PEX5L: variants seen among roughly 807,000 people sequenced by gnomAD.
PEX5L encodes the protein peroxisomal biogenesis factor 5 like, also known as PEX5-related protein.
Under a neutral mutation model 84.0 loss-of-function variants are expected in PEX5L, and 30 were observed. The observed-to-expected ratio is 0.36, with a 90% CI of 0.27 to 0.48. The LOEUF is 0.48. Ranked by LOEUF, PEX5L falls within the 20% of genes least tolerant of loss-of-function variation. PEX5L has a pLI of 0.99. For synonymous variants in PEX5L, 270 were observed against 283.1 expected (o/e 0.95, Z 0.46); for missense variants, 533 against 754.6 (o/e 0.71, Z 3.44).
chr3:179,832,007 T>C (rs966290152), intron 8 of PEX5L, among the ~76,000 whole-genome samples: 2 of 152,142 alleles, frequency 1.3e-5, no homozygotes, highest in Non-Finnish European at 2.9e-5. Flanking sequence ...GAAAGATTAC[T>C]CTGGTTGAAA....
intron 2 of PEX5L, among the ~76,000 whole-genome samples, chr3:179,966,921 G>C (rs1362913492): frequency 6.6e-6 from 1 of 152,138 alleles, no homozygotes; most frequent in Non-Finnish European, 1.5e-5. Flanking sequence ...TCTCCTTGAG[G>C]AGGTTGTGAG....
intron 8 of PEX5L, among the ~76,000 whole-genome samples, chr3:179,831,151 C>T (rs1022800193): frequency 1.3e-5 from 2 of 151,916 alleles, no homozygotes; most frequent in Non-Finnish European, 2.9e-5. Flanking sequence ...CCCATCTCTA[C>T]TAAAAATACA....
chr3:179,851,179 G>C (rs556134892), intron 8 of PEX5L, among the ~76,000 whole-genome samples: 1 of 152,178 alleles, frequency 6.6e-6, no homozygotes, highest in African/African-American at 2.4e-5. Context: ...CAGCCTGTTT[G>C]GGCTGGTATA....
At chr3:179,905,505 C>T (rs575479687) in intron 2 of PEX5L, among the ~76,000 whole-genome samples, 121 of 152,254 alleles carry the variant, frequency 7.9e-4, no homozygotes, top group African/African-American at 2.7e-3. Context: ...GTGATCCGCC[C>T]GCCTCGACCT....
At chr3:179,967,025 T>C (rs1783514109) in intron 2 of PEX5L, among the ~76,000 whole-genome samples, 1 of 152,190 alleles carries the variant, frequency 6.6e-6, no homozygotes, top group Non-Finnish European at 1.5e-5. Flanking sequence ...GCCATAGGGC[T>C]CAAGAGGGAA....
intron 2 of PEX5L, among the ~76,000 whole-genome samples, chr3:179,962,848 T>C (rs933009751): frequency 3.5e-4 from 54 of 152,366 alleles, no homozygotes; most frequent in African/African-American, 1.3e-3. Flanking sequence ...TGTCAGCTCA[T>C]GTCATTTCAA....
intron 2 of PEX5L, among the ~76,000 whole-genome samples, chr3:179,970,224 A>G (rs1784386816): frequency 6.6e-6 from 1 of 152,180 alleles, no homozygotes; most frequent in South Asian, 2.1e-4. Context: ...ATGTACACAT[A>G]TCTGTATTCT....
At position 180,023,095 on chromosome 3, in the gene PEX5L, C is replaced by T. The variant is rs143180935; in HGVS notation, c.21+13484G>A. ...GGAGATATGGCCTGAATTTGCTATG[C>T]AGGCGCAAGCAATAGAGTGAAAAAC... On this transcript the variant is annotated intron_variant, in intron 1 of 14. Coordinates refer to ENST00000467460, the MANE Select transcript of PEX5L (RefSeq NM_016559.3). 2.7e-4 allele frequency among the ~76,000 whole-genome samples: 41 copies of T among 152,266 alleles called. No individual in the cohort carries two copies. In the East Asian group the frequency reaches 7.5e-3, roughly 28 times the overall value.
chr3:179,982,179 T>A (rs1248909556), intron 1 of PEX5L, among the ~76,000 whole-genome samples: 1 of 152,226 alleles, frequency 6.6e-6, no homozygotes, highest in Non-Finnish European at 1.5e-5. Context: ...ATGTTTATCC[T>A]CTTATTCAAA....
intron 1 of PEX5L, among the ~76,000 whole-genome samples, chr3:179,993,182 C>T (rs2110381970): frequency 6.6e-6 from 1 of 152,236 alleles, no homozygotes; most frequent in Admixed American, 6.5e-5. Flanking sequence ...ATATAATTGT[C>T]TGTTTCTTTG....
At chr3:179,852,373 T>C (rs546705450) in intron 8 of PEX5L, among the ~76,000 whole-genome samples, 1 of 152,336 alleles carries the variant, frequency 6.6e-6, no homozygotes, top group South Asian at 2.1e-4. Context: ...GTATATACAA[T>C]GACCTAATCT....
At chr3:180,005,524 C>T (rs566887576) in intron 1 of PEX5L, among the ~76,000 whole-genome samples, 5 of 152,236 alleles carry the variant, frequency 3.3e-5, no homozygotes, top group South Asian at 4.1e-4. Flanking sequence ...GTCAAGAGAT[C>T]GAGACCATTC....
At chr3:179,897,635 T>C (rs1027856326) in intron 3 of PEX5L, among the ~76,000 whole-genome samples, 3 of 152,140 alleles carry the variant, frequency 2.0e-5, no homozygotes, top group Non-Finnish European at 4.4e-5. Context: ...GGCTCATTCC[T>C]GTAAATTAGT....
intron 2 of PEX5L, among the ~76,000 whole-genome samples, chr3:179,965,686 G>A (rs912195757): frequency 6.6e-6 from 1 of 152,088 alleles, no homozygotes; most frequent in Admixed American, 6.6e-5. Flanking sequence ...ATGCTTAGGA[G>A]AATCAGTACA....
chr3:179,861,210 T>C (rs1746001650), intron 7 of PEX5L, among the ~76,000 whole-genome samples: 1 of 152,246 alleles, frequency 6.6e-6, no homozygotes, highest in African/African-American at 2.4e-5. Flanking sequence ...TAAATAGTTG[T>C]TGAAAATACG....
At chr3:179,821,705 T>C (rs552889996) in intron 8 of PEX5L, among the ~76,000 whole-genome samples, 1 of 152,360 alleles carries the variant, frequency 6.6e-6, no homozygotes, top group African/African-American at 2.4e-5. Flanking sequence ...CTACTAGGTA[T>C]CCAGGTTCAG....
At chr3:179,846,026 C>T (rs370175351) in intron 8 of PEX5L, among the ~76,000 whole-genome samples, 4 of 152,154 alleles carry the variant, frequency 2.6e-5, no homozygotes, top group Non-Finnish European at 4.4e-5. Flanking sequence ...AAAAATTAGC[C>T]GGCCATGGTG....
At position 179,798,872 on chromosome 3, in the gene PEX5L, A is replaced by G. The variant is rs1717999743; in HGVS notation, c.*2956T>C. ...ATGATTTATACAAAAAGACTGTTCT[A>G]AAGTCTTGCTACTGATTTCTTGGTG... On this transcript the variant is annotated 3_prime_UTR_variant, in exon 15 of 15. Transcript: ENST00000467460. 1 of 152,232 alleles carries G rather than the reference A, an allele frequency of 6.6e-6. No individual in the cohort carries two copies. The highest frequency in any genetic ancestry group is 6.5e-5 in the Admixed American group (1 of 15,286). The allele number at this position is 152,232 out of a possible 1,614,324, so 9.4% of individuals were successfully genotyped here.
rs1163712082 is a variant in PEX5L at position 180,002,839 on chromosome 3, G to C, written c.22-31174C>G. 2.6e-5 allele frequency among the ~76,000 whole-genome samples: 4 copies of C among 152,182 alleles called. No homozygotes were observed. The East Asian group carries it at 5.8e-4, about 22-fold the overall frequency. ...AAATATAATAAACCTCTTCCTTGCA[G>C]AAAAAGTTAGGAAGTACAGTAAATA... is the stretch of plus-strand genomic sequence containing the variant. On this transcript the variant is annotated intron_variant, in intron 1 of 14. Transcript: ENST00000467460.
Sources: gnomAD v4.1 joint callset for allele counts (sites outside exome capture counted in the v4.1 genomes callset) on GRCh38, gnomAD v4.1.1 for gene constraint, MANE v1.5 for transcripts, NCBI Gene and HGNC (gene_info 2026-07-23, HGNC 2026-07-21) for gene names.